Variants in CSGALNACT1 observed in about 807,000 individuals in gnomAD.
CSGALNACT1 encodes the protein beta4GalNAcT-1.
In CSGALNACT1, 52 loss-of-function variants were observed where a neutral mutation model predicts 51.0. The ratio of observed to expected loss-of-function variants is 1.02; its 90% CI spans 0.82 to 1.29. The LOEUF is 1.29. Ranked by LOEUF, CSGALNACT1 falls within the 50% of genes most tolerant of loss-of-function variation. The pLI, the probability that CSGALNACT1 is intolerant of heterozygous loss-of-function variation, is 0.00. For synonymous variants in CSGALNACT1, 341 were observed against 254.4 expected (o/e 1.34, Z -3.24); for missense variants, 935 against 679.2 (o/e 1.38, Z -4.19).
chr8:19,470,484 C>T (rs1040980902), intron 4 of CSGALNACT1, among the ~76,000 whole-genome samples: 1 of 152,106 alleles, frequency 6.6e-6, no homozygotes, highest in African/African-American at 2.4e-5. Context: ...GTGAGGAACA[C>T]AGGCAACAGA....
chr8:19,752,232 C>T (rs2065085956), intron 1 of CSGALNACT1, among the ~76,000 whole-genome samples: 1 of 148,962 alleles, frequency 6.7e-6, no homozygotes, highest in Non-Finnish European at 1.5e-5. Context: ...TATATACACA[C>T]ACATATATAA....
chr8:19,466,207 A>T (rs2066631146), intron 4 of CSGALNACT1, among the ~76,000 whole-genome samples: 1 of 152,248 alleles, frequency 6.6e-6, no homozygotes, highest in African/African-American at 2.4e-5. Flanking sequence ...TGTAACAGGC[A>T]GAAATGCTGA....
chr8:19,474,420 G>A (rs2068926592), intron 4 of CSGALNACT1, among the ~76,000 whole-genome samples: 4 of 152,068 alleles, frequency 2.6e-5, no homozygotes, highest in Non-Finnish European at 5.9e-5. Context: ...TATAGAGCAG[G>A]TAGTGTTTTA....
intron 1 of CSGALNACT1, among the ~76,000 whole-genome samples, chr8:19,706,147 C>T (rs530264716): frequency 2.3e-4 from 35 of 152,266 alleles, no homozygotes; most frequent in African/African-American, 7.0e-4. Context: ...AGGATGACAA[C>T]GGGGGACAGC....
Position 19,565,130 on chromosome 8 carries a change from G to C in CSGALNACT1, c.-297+26030C>G, listed in dbSNP as rs539283892. Among the ~76,000 whole-genome samples the C allele has an allele frequency of 7.2e-5, 11 of 152,312 alleles. No individual in the cohort carries two copies. In the South Asian group the frequency reaches 2.3e-3, roughly 32 times the overall value. ...AAATATCCTTTTCCTACTGTATATAGAGAGAACAGATTATGTATCACTTTA... is the reference window on the plus strand; with the variant it reads ...AAATATCCTTTTCCTACTGTATATACAGAGAACAGATTATGTATCACTTTA... On this transcript the variant is annotated intron_variant, in intron 3 of 9. Transcript: ENST00000454498.
intron 1 of CSGALNACT1, among the ~76,000 whole-genome samples, chr8:19,669,500 G>T (rs2059625313): frequency 6.6e-6 from 1 of 152,314 alleles, no homozygotes; most frequent in East Asian, 1.9e-4. Flanking sequence ...CACCCAGGCT[G>T]GAGTGCAGTG....
At chr8:19,565,905 C>A (rs990619652) in intron 3 of CSGALNACT1, among the ~76,000 whole-genome samples, 2 of 152,138 alleles carry the variant, frequency 1.3e-5, no homozygotes, top group African/African-American at 4.8e-5. Context: ...AGCAAGGCTC[C>A]ATCTCAAACA....
At chr8:19,660,025 C>G (rs2058625842) in intron 1 of CSGALNACT1, among the ~76,000 whole-genome samples, 1 of 152,182 alleles carries the variant, frequency 6.6e-6, no homozygotes, top group African/African-American at 2.4e-5. Flanking sequence ...CTATTATTGT[C>G]CCAGTCTTAT....
chr8:19,404,981 A>C, exon 10 of CSGALNACT1: 1 of 454,088 alleles, frequency 2.2e-6, no homozygotes, highest in Non-Finnish European at 4.4e-6. Context: ...AGCATTTGGC[A>C]TGTCCTTGGA....
chr8:19,590,680 C>A (rs1364326010), intron 3 of CSGALNACT1, among the ~76,000 whole-genome samples: 1 of 116,138 alleles, frequency 8.6e-6, no homozygotes, highest in African/African-American at 3.6e-5. Flanking sequence ...GATGGAGTCT[C>A]GCTCTGTCGC....
At chr8:19,658,843 T>C (rs2058521077) in intron 1 of CSGALNACT1, among the ~76,000 whole-genome samples, 1 of 152,310 alleles carries the variant, frequency 6.6e-6, no homozygotes, top group East Asian at 1.9e-4. Context: ...TTTAAGGGAA[T>C]TGAGGCTGAA....
intron 1 of CSGALNACT1, among the ~76,000 whole-genome samples, chr8:19,627,677 T>A (rs1441068127): frequency 1.3e-5 from 2 of 151,950 alleles, no homozygotes; most frequent in African/African-American, 2.4e-5. Flanking sequence ...ATAAAAAAAT[T>A]AGCCAGGTAT....
At chr8:19,630,298 TATA>T (rs1328259272) in intron 1 of CSGALNACT1, among the ~76,000 whole-genome samples, 1 of 151,900 alleles carries the variant, frequency 6.6e-6, no homozygotes, top group Non-Finnish European at 1.5e-5. Flanking sequence ...TTGAGTTTCA[TATA>T]ATTTCTTGCT....
In CSGALNACT1 at chr8:19,642,356, T is replaced by TAA. The variant is rs2056828701; in HGVS notation, c.-544+40115_-544+40116dup. ...GAATACAACTTCAAGAAATAAAACA[T>TAA]AAAGCTACAATAACAGAGTATCATT... On this transcript the variant is annotated intron_variant, in intron 1 of 9. Transcript: ENST00000332246. Among the ~76,000 whole-genome samples, 3 of 152,152 alleles carry TAA rather than the reference T, an allele frequency of 2.0e-5. No individual in the cohort carries two copies. In the South Asian group the frequency reaches 6.2e-4, roughly 32 times the overall value.
At chr8:19,664,039 G>A (rs2058982781) in intron 1 of CSGALNACT1, among the ~76,000 whole-genome samples, 1 of 152,218 alleles carries the variant, frequency 6.6e-6, no homozygotes, top group Non-Finnish European at 1.5e-5. Flanking sequence ...CGCGGGCCAG[G>A]GGTAGGCCAG....
rs1330362504 is a variant in CSGALNACT1 at position 19,472,271 on chromosome 8, T to C, written c.635-13629A>G. Among the ~76,000 whole-genome samples the C allele has an allele frequency of 2.6e-5, 4 of 152,316 alleles. No homozygotes were observed. The East Asian group carries it at 7.7e-4, about 29-fold the overall frequency. On this transcript the variant is annotated intron_variant, in intron 4 of 9. Transcript: ENST00000454498. The stretch of plus-strand genomic sequence containing the variant: ...AACACATTCGAATGTATATCCAGGA[T>C]GTCGTGGGAAAGCACAAAACTTAAG...
At chr8:19,518,765 C>G (rs574065137) in intron 3 of CSGALNACT1, among the ~76,000 whole-genome samples, 2 of 152,148 alleles carry the variant, frequency 1.3e-5, no homozygotes, top group African/African-American at 4.8e-5. Context: ...CCAGCTAGGC[C>G]GTCAGCACAG....
intron 1 of CSGALNACT1, among the ~76,000 whole-genome samples, chr8:19,705,175 A>G (rs990850140): frequency 6.6e-6 from 1 of 152,244 alleles, no homozygotes; most frequent in Admixed American, 6.5e-5. Context: ...GTACACCTTA[A>G]CTGTATGTAA....
At chr8:19,506,398 G>A (rs554214395) in intron 3 of CSGALNACT1, among the ~76,000 whole-genome samples, 3 of 152,236 alleles carry the variant, frequency 2.0e-5, no homozygotes, top group Non-Finnish European at 4.4e-5. Context: ...AAGATTAAGA[G>A]TCATCTTTCT....
Sources: gnomAD v4.1 joint callset for allele counts (sites outside exome capture counted in the v4.1 genomes callset) on GRCh38, gnomAD v4.1.1 for gene constraint, MANE v1.5 for transcripts, NCBI Gene and HGNC (gene_info 2026-07-23, HGNC 2026-07-21) for gene names.